Variants in PPTC7 observed in about 807,000 individuals in gnomAD.
PPTC7 encodes protein phosphatase targeting COQ7.
Under a neutral mutation model 30.8 loss-of-function variants are expected in PPTC7, and 6 were observed. That is an observed-to-expected ratio of 0.19 (90% confidence interval 0.11 to 0.38). PPTC7 has a LOEUF of 0.38. PPTC7 is among the 10% of genes least tolerant of loss of function. The pLI is 1.00. For missense variants in PPTC7, 218 were observed against 404.8 expected (o/e 0.54, Z 3.96); for synonymous variants, 163 against 168.1 (o/e 0.97, Z 0.23).
intron 1 of PPTC7, among the ~76,000 whole-genome samples, chr12:110,579,317 G>A (rs2064616598): frequency 6.6e-6 from 1 of 152,158 alleles, no homozygotes; most frequent in Non-Finnish European, 1.5e-5. Flanking sequence ...GGACAGTCCT[G>A]GAGAACCTGT....
intron 1 of PPTC7, among the ~76,000 whole-genome samples, chr12:110,558,395 C>T (rs554021292): frequency 6.6e-6 from 1 of 152,242 alleles, no homozygotes; most frequent in East Asian, 1.9e-4. Flanking sequence ...GCCTTGAATG[C>T]CAAGATAAAG....
At chr12:110,569,042 C>T (rs373309856) in intron 1 of PPTC7, among the ~76,000 whole-genome samples, 1 of 123,470 alleles carries the variant, frequency 8.1e-6, no homozygotes, top group Non-Finnish European at 1.8e-5. Flanking sequence ...GCCCCCCCCC[C>T]TCAAAAAAAG....
At chr12:110,576,685 C>T (rs564270246) in intron 1 of PPTC7, among the ~76,000 whole-genome samples, 4 of 151,896 alleles carry the variant, frequency 2.6e-5, no homozygotes, top group African/African-American at 9.7e-5. Flanking sequence ...ACAGAATCTG[C>T]TTTCTGTTGC....
intron 4 of PPTC7, 103 bp from the exon 5 acceptor site, chr12:110,538,376 A>G: frequency 9.2e-7 from 1 of 1,092,596 alleles, no homozygotes; most frequent in African/African-American, 1.6e-5. Flanking sequence ...GTTAGAAAAG[A>G]CATTAAAACA....
At chr12:110,571,495 TGAC>T (rs911204432) in intron 1 of PPTC7, among the ~76,000 whole-genome samples, 4 of 152,146 alleles carry the variant, frequency 2.6e-5, no homozygotes, top group Non-Finnish European at 5.9e-5. Flanking sequence ...TAGATTGTAA[TGAC>T]AACACAAGGA....
At chr12:110,544,621 G>A (rs1260795514) in intron 3 of PPTC7, among the ~76,000 whole-genome samples, 1 of 152,206 alleles carries the variant, frequency 6.6e-6, no homozygotes, top group Non-Finnish European at 1.5e-5. Flanking sequence ...GGATCACGAG[G>A]TCAGGAGTTT....
rs2064653084 is a variant in PPTC7, at chr12:110,582,995, G to A, written c.37C>T (p.Arg13Cys). ...SVLSYGRLVA[R>C]AVLGGLSQTD... ...TGCGAGAGGCCGCCGAGCACGGCGC[G>A]GGCCACCAGCCGCCCGTACGAGAGG... is the stretch of plus-strand genomic sequence containing the variant. The change falls in exon 1 of 6, where the codon CGC becomes TGC. Residue 13 changes from arginine (R) to cysteine (C), a missense_variant. Coordinates refer to ENST00000354300, the MANE Select transcript of PPTC7 (RefSeq NM_139283.2). 4 of 1,503,946 alleles carry A rather than the reference G, an allele frequency of 2.7e-6. No individual in the cohort carries two copies. The highest frequency in any genetic ancestry group is 2.6e-5 in the East Asian group (1 of 38,132). 93.2% of individuals were successfully genotyped at this position (1,503,946 alleles called of 1,614,324 possible).
chr12:110,562,941 G>A (rs532930687), intron 1 of PPTC7, among the ~76,000 whole-genome samples: 1 of 151,798 alleles, frequency 6.6e-6, no homozygotes, highest in East Asian at 1.9e-4. Flanking sequence ...GGCCAACATG[G>A]CAAAACCCTG....
At chr12:110,566,425 C>A (rs914412618) in intron 1 of PPTC7, among the ~76,000 whole-genome samples, 3 of 152,130 alleles carry the variant, frequency 2.0e-5, no homozygotes. Flanking sequence ...AAACTCCAGC[C>A]CCAGAACAAG....
intron 1 of PPTC7, among the ~76,000 whole-genome samples, chr12:110,569,255 C>G (rs1351098148): frequency 1.3e-5 from 2 of 151,798 alleles, no homozygotes; most frequent in Admixed American, 6.6e-5. Flanking sequence ...ATTGCTTGAA[C>G]CCAGGAGGCG....
At position 110,534,663 on chromosome 12, in the gene PPTC7, G is replaced by A. The variant is rs1297277549; in HGVS notation, c.*2374C>T. 6.6e-6 allele frequency: 1 copy of A among 152,138 alleles called. No homozygotes were observed. Among genetic ancestry groups the A allele is most frequent in the East Asian group, 1.9e-4 (1 of 5,198 alleles). 9.4% of individuals were successfully genotyped at this position (152,138 alleles called of 1,614,324 possible). A position where few individuals can be genotyped will look rare whatever the true frequency, so the allele number is the denominator to read the frequency against. ...GGGGAAAATAGAGAAAATATTTTAT[G>A]TCACTAATCTATAGGCCAGATCCAA... On this transcript the variant is annotated 3_prime_UTR_variant, in exon 6 of 6. Transcript: ENST00000354300.
At position 110,582,855 on chromosome 12, in the gene PPTC7, C is replaced by A. The variant is rs555791461; in HGVS notation, c.177G>T (p.Gly59=). ...GCCGGGCCACGAAGCACGCGTCGTCCCCGTAGCACGCGCCCTTCTTGAGGA... is the reference window on the plus strand; with the variant it reads ...GCCGGGCCACGAAGCACGCGTCGTCACCGTAGCACGCGCCCTTCTTGAGGA... ...KGLLKKGACY[G]DDACFVARHR... is the part of the protein sequence containing the mutation. Residue 59 remains glycine (G), a synonymous_variant, in exon 1 of 6, where the codon GGG becomes GGT. Transcript: ENST00000354300. 4 of 1,560,786 alleles carry A rather than the reference C, an allele frequency of 2.6e-6. No homozygotes were observed. Among genetic ancestry groups the A allele is most frequent in the Non-Finnish European group, 3.5e-6 (4 of 1,152,458 alleles).
rs754341495 is a variant in PPTC7, at chr12:110,582,953, C to A, written c.79G>T (p.Gly27Cys). The part of the protein sequence containing the change: ...GGLSQTDPRA[G>C]GGGGGDYGLV... ...CCGTAGTCGCCGCCGCCGCCGCCGC[C>A]GGCCCTGGGGTCGGTCTGCGAGAGG... Residue 27 changes from glycine to cysteine, a missense_variant, in exon 1 of 6, where the codon GGC (glycine) becomes TGC (cysteine). By Grantham distance (159) the Gly-to-Cys change is radical. Coordinates refer to ENST00000354300, the MANE Select transcript of PPTC7 (RefSeq NM_139283.2). The A allele has an allele frequency of 1.9e-6, 3 of 1,541,866 alleles. No homozygotes were observed. The South Asian group carries it at 3.6e-5, about 18-fold the overall frequency.
chr12:110,578,387 T>C (rs1422840447), intron 1 of PPTC7, among the ~76,000 whole-genome samples: 3 of 152,156 alleles, frequency 2.0e-5, no homozygotes, highest in Non-Finnish European at 4.4e-5. Flanking sequence ...TTTACTCCTG[T>C]TGGACCTAGT....
intron 4 of PPTC7, 94 bp from the exon 5 acceptor site, chr12:110,538,367 T>C (rs951019299): frequency 7.2e-6 from 9 of 1,249,226 alleles, no homozygotes; most frequent in Non-Finnish European, 1.0e-5. Flanking sequence ...TTTATTCTAG[T>C]TAGAAAAGAC....
chr12:110,561,178 T>C (rs1010949972), intron 1 of PPTC7, among the ~76,000 whole-genome samples: 3 of 152,332 alleles, frequency 2.0e-5, no homozygotes, highest in Admixed American at 2.0e-4. Context: ...GACTTTAGTG[T>C]TCTCAGAGCC....
intron 1 of PPTC7, among the ~76,000 whole-genome samples, chr12:110,565,166 C>G (rs1423033148): frequency 6.6e-6 from 1 of 151,358 alleles, no homozygotes. Context: ...CACGCCTGGC[C>G]TATATTTTTT....
At chr12:110,575,055 T>C (rs2064577306) in intron 1 of PPTC7, among the ~76,000 whole-genome samples, 1 of 151,488 alleles carries the variant, frequency 6.6e-6, no homozygotes, top group Admixed American at 6.6e-5. Flanking sequence ...CTCCCAAAGT[T>C]CTGGGATTAT....
intron 1 of PPTC7, among the ~76,000 whole-genome samples, chr12:110,565,301 G>A (rs2064474307): frequency 6.6e-6 from 1 of 151,658 alleles, no homozygotes; most frequent in Non-Finnish European, 1.5e-5. Context: ...CTGTCGCCCA[G>A]GCTGGAGTGC....
Sources: gnomAD v4.1 joint callset for allele counts (sites outside exome capture counted in the v4.1 genomes callset) on GRCh38, gnomAD v4.1.1 for gene constraint, MANE v1.5 for transcripts, NCBI Gene and HGNC (gene_info 2026-07-23, HGNC 2026-07-21) for gene names.